The following RAD54B variants were observed in gnomAD, a reference collection of about 807,000 sequenced individuals.
RAD54B encodes the protein DNA repair and recombination protein RAD54B.
RAD54B carries 78 observed loss-of-function variants against 95.8 expected under a neutral mutation model. The observed-to-expected ratio is 0.81, with a 90% CI of 0.68 to 0.98. The LOEUF is 0.98. RAD54B is among the 50% of genes least tolerant of loss of function. The pLI, the probability that RAD54B is intolerant of heterozygous loss-of-function variation, is 0.00. For synonymous variants in RAD54B, 328 were observed against 354.9 expected (o/e 0.92, Z 0.85); for missense variants, 957 against 1,056.6 (o/e 0.91, Z 1.31).
chr8:94,393,921 G>A, intron 8 of RAD54B, 39 bp from the exon 9 acceptor site: 1 of 1,525,526 alleles, frequency 6.6e-7, no homozygotes, highest in Non-Finnish European at 8.8e-7. Flanking sequence ...TCAAGTTTGT[G>A]TTTTACAATC....
chr8:94,460,921 T>C (rs1037205294), intron 2 of RAD54B, among the ~76,000 whole-genome samples: 1 of 152,092 alleles, frequency 6.6e-6, no homozygotes, highest in Admixed American at 6.6e-5. Context: ...AGGACACTTA[T>C]AATTATAATG....
At chr8:94,467,672 C>G in intron 1 of RAD54B, 117 bp from the exon 2 acceptor site, 1 of 1,024,986 alleles carries the variant, frequency 9.8e-7, no homozygotes, top group Non-Finnish European at 1.4e-6. Context: ...ATGGGCCTGC[C>G]TGGCCCCCCA....
intron 11 of RAD54B, among the ~76,000 whole-genome samples, chr8:94,383,284 CAAAAAAAAA>C (rs34552024): frequency 1.2e-5 from 1 of 83,186 alleles, no homozygotes; most frequent in Non-Finnish European, 2.2e-5. Flanking sequence ...GACTCCATCT[CAAAAAAAAA>C]AAAAAAAAAA....
intron 6 of RAD54B, among the ~76,000 whole-genome samples, chr8:94,400,898 G>A (rs1358104489): frequency 6.6e-6 from 1 of 152,022 alleles, no homozygotes; most frequent in African/African-American, 2.4e-5. Context: ...GATTCTGTCA[G>A]TAAATGAAGT....
intron 3 of RAD54B, among the ~76,000 whole-genome samples, chr8:94,449,418 C>T (rs1443606890): frequency 6.6e-6 from 1 of 151,856 alleles, no homozygotes; most frequent in Non-Finnish European, 1.5e-5. Flanking sequence ...GACCAGCTGG[C>T]CAACATGGTG....
intron 10 of RAD54B, 87 bp downstream of exon 10, chr8:94,391,522 T>A: frequency 7.3e-7 from 1 of 1,376,688 alleles, no homozygotes; most frequent in Non-Finnish European, 9.8e-7. Flanking sequence ...AAATGCAACC[T>A]CAGAAATTAG....
intron 3 of RAD54B, among the ~76,000 whole-genome samples, chr8:94,450,754 C>T (rs2130160097): frequency 6.6e-6 from 1 of 151,918 alleles, no homozygotes; most frequent in Non-Finnish European, 1.5e-5. Context: ...GTGGTGGACG[C>T]TTGTAGTCCC....
At chr8:94,457,833 T>C (rs1276608332) in intron 3 of RAD54B, among the ~76,000 whole-genome samples, 7 of 152,214 alleles carry the variant, frequency 4.6e-5, no homozygotes, top group Non-Finnish European at 1.5e-5. Context: ...ATTTGTTAAA[T>C]GCTTGGTTTT....
chr8:94,426,461 C>A (rs1442685940), intron 3 of RAD54B, among the ~76,000 whole-genome samples: 1 of 151,840 alleles, frequency 6.6e-6, no homozygotes, highest in African/African-American at 2.4e-5. Flanking sequence ...GCCAAGAAGT[C>A]CATCAAAAGA....
chr8:94,414,148 T>C (rs1045893937), intron 3 of RAD54B, among the ~76,000 whole-genome samples: 1 of 152,148 alleles, frequency 6.6e-6, no homozygotes, highest in African/African-American at 2.4e-5. Context: ...AGAATTCTTA[T>C]AGTTTAAAAA....
chr8:94,459,765 C>G (rs1812859649), intron 2 of RAD54B, among the ~76,000 whole-genome samples: 1 of 151,756 alleles, frequency 6.6e-6, no homozygotes, highest in Non-Finnish European at 1.5e-5. Flanking sequence ...GAGGCTGAGG[C>G]AGGAGAATCG....
chr8:94,385,475 G>T (rs2470744), intron 11 of RAD54B, among the ~76,000 whole-genome samples: 133,806 of 152,202 alleles, frequency 0.88, 59,712 homozygotes, highest in Non-Finnish European at 0.96. Flanking sequence ...TTTGCACATA[G>T]CAAATATTAT....
intron 3 of RAD54B, among the ~76,000 whole-genome samples, chr8:94,442,826 A>G (rs561173788): frequency 3.3e-5 from 5 of 152,286 alleles, no homozygotes; most frequent in African/African-American, 1.2e-4. Flanking sequence ...TAGTCATGCA[A>G]CACTGCCTTT....
intron 14 of RAD54B, among the ~76,000 whole-genome samples, chr8:94,377,034 T>C (rs939690549): frequency 4.6e-5 from 7 of 152,290 alleles, no homozygotes; most frequent in African/African-American, 1.7e-4. Context: ...ATCTAGTTCC[T>C]TTTTGAATGG....
At chr8:94,438,972 G>C (rs1345179008) in intron 3 of RAD54B, among the ~76,000 whole-genome samples, 3 of 152,134 alleles carry the variant, frequency 2.0e-5, no homozygotes, top group African/African-American at 7.2e-5. Flanking sequence ...TATGCCTGTA[G>C]TTCCAGCTAT....
rs563442225 is a variant in RAD54B at position 94,387,107 on chromosome 8, T to C, written c.1862A>G (p.Lys621Arg). 6.2e-7 allele frequency: 1 copy of C among 1,608,814 alleles called. No individual in the cohort carries two copies. The highest frequency in any genetic ancestry group is 2.2e-5 in the East Asian group (1 of 44,650). ...CDKNEEKSLY[K>R]GLLSVFPADY... ...AGCAGGAAACACACTTAGCAAGCCTTTGTATAGACTCTTTTCTTCATTTTT... is the reference window on the plus strand; with the variant it reads ...AGCAGGAAACACACTTAGCAAGCCTCTGTATAGACTCTTTTCTTCATTTTT... The change falls in exon 11 of 15, where the codon AAA (lysine) becomes AGA (arginine). Residue 621 changes from lysine (K) to arginine (R), a missense_variant. By Grantham distance (26) the Lys-to-Arg change is conservative. Coordinates refer to ENST00000336148, the MANE Select transcript of RAD54B (RefSeq NM_012415.3).
rs1265006833 is a variant in RAD54B, at chr8:94,401,948, TA to T, written c.945-1486del. Among the ~76,000 whole-genome samples the T allele has an allele frequency of 2.6e-5, 4 of 152,252 alleles. No individual in the cohort carries two copies. The South Asian group carries it at 8.3e-4, about 32-fold the overall frequency. On this transcript the variant is annotated intron_variant, in intron 6 of 14. Coordinates refer to ENST00000336148, the MANE Select transcript of RAD54B (RefSeq NM_012415.3). ...CTTGAGCAAAATTGTAAAGGGTAAATAATTACTACACTAATTAGGCAGCTGA... is the reference window on the plus strand; with the variant it reads ...CTTGAGCAAAATTGTAAAGGGTAAATATTACTACACTAATTAGGCAGCTGA...
chr8:94,470,171 C>G lies in RAD54B; in HGVS notation c.-16-2616G>C, dbSNP rs552624564. Among the ~76,000 whole-genome samples the G allele has an allele frequency of 2.6e-5, 4 of 152,310 alleles. No individual in the cohort carries two copies. The East Asian group carries it at 7.7e-4, about 29-fold the overall frequency. ...CTAAGTAACTACGTATAAGAATAAT[C>G]AGCTGGGCAGGACACAGTGGCTCGC... On this transcript the variant is annotated intron_variant, in intron 1 of 14. Coordinates refer to ENST00000336148, the MANE Select transcript of RAD54B (RefSeq NM_012415.3).
chr8:94,425,598 A>G (rs1811922880), intron 3 of RAD54B, among the ~76,000 whole-genome samples: 1 of 152,168 alleles, frequency 6.6e-6, no homozygotes, highest in Non-Finnish European at 1.5e-5. Context: ...TTAATATACA[A>G]ATCCCTTCAA....
Sources: allele counts gnomAD v4.1 joint callset (sites outside exome capture counted in the v4.1 genomes callset), GRCh38; gene constraint gnomAD v4.1.1; transcripts MANE v1.5; gene names NCBI Gene and HGNC (gene_info 2026-07-23, HGNC 2026-07-21).